Variants in CELF1 observed in about 807,000 individuals in gnomAD.
CELF1 encodes the protein 50 kDa nuclear polyadenylated RNA-binding protein.
In CELF1, 10 loss-of-function variants were observed where a neutral mutation model predicts 61.8. That is an observed-to-expected ratio of 0.16 (90% confidence interval 0.10 to 0.27). The LOEUF is 0.27. Among genes scored for constraint, CELF1 ranks in the 10% least tolerant of loss-of-function variants. The pLI is 1.00. For synonymous variants in CELF1, 236 were observed against 225.1 expected, an observed-to-expected ratio of 1.05 and a Z score of -0.43; for missense variants, 380 against 639.1, an observed-to-expected ratio of 0.59 and a Z score of 4.37.
intron 13 of CELF1, among the ~76,000 whole-genome samples, chr11:47,474,889 T>A (rs1012766347): frequency 1.2e-4 from 19 of 152,186 alleles, no homozygotes; most frequent in African/African-American, 4.6e-4. Context: ...CTCTGTCCCA[T>A]CACCCCTCAG....
At chr11:47,535,763 T>A (rs1452499141) in intron 1 of CELF1, among the ~76,000 whole-genome samples, 2 of 151,688 alleles carry the variant, frequency 1.3e-5, no homozygotes, top group African/African-American at 4.8e-5. Context: ...CAAGTTTTTT[T>A]GTTTTTGTTT....
rs2077021734 is a variant in CELF1 at position 47,468,331 on chromosome 11, G to A, written c.*3899C>T. 6.6e-6 allele frequency: 1 copy of A among 152,220 alleles called. No homozygotes were observed. The highest frequency in any genetic ancestry group is 2.4e-5 in the African/African-American group (1 of 41,438). 9.4% of individuals were successfully genotyped at this position (152,220 alleles called of 1,614,324 possible). On this transcript the variant is annotated 3_prime_UTR_variant, in exon 15 of 15. Coordinates refer to ENST00000687097, the MANE Select transcript of CELF1 (RefSeq NM_001376376.1). ...GAACTCAGAAGAAAAACAAAAGAAA[G>A]AACAATACATGCGGTCTCCTCAAGC...
chr11:47,496,084 C>A (rs1023491810), intron 3 of CELF1: 2 of 711,078 alleles, frequency 2.8e-6, no homozygotes, highest in Non-Finnish European at 3.5e-6. Context: ...ATAAAAAGGG[C>A]CCAGAAACAC....
intron 1 of CELF1, among the ~76,000 whole-genome samples, chr11:47,565,031 T>C (rs1474938713): frequency 1.3e-5 from 2 of 152,072 alleles, no homozygotes; most frequent in Non-Finnish European, 2.9e-5. Flanking sequence ...GGACCCCTGT[T>C]CACCCTGGGA....
chr11:47,517,803 C>A (rs1296325965), intron 1 of CELF1, among the ~76,000 whole-genome samples: 1 of 152,144 alleles, frequency 6.6e-6, no homozygotes, highest in Non-Finnish European at 1.5e-5. Flanking sequence ...CAGGCACCTG[C>A]CACCAAACCC....
rs1309115373 is a variant in CELF1 at position 47,478,628 on chromosome 11, ATTC to A, written c.844+246_844+248del. ...TAGGAGCTAAACAGCCCTTTTCCAT[ATTC>A]TTCTTCAACAGTGACCTAAAAGGTT... On this transcript the variant is annotated intron_variant, in intron 10 of 14. Transcript: ENST00000687097. Among the ~76,000 whole-genome samples the A allele has an allele frequency of 3.9e-5, 6 of 152,286 alleles. No homozygotes were observed. The East Asian group carries it at 1.2e-3, about 29-fold the overall frequency.
At chr11:47,481,304 A>G (rs1288054984) in intron 9 of CELF1, among the ~76,000 whole-genome samples, 2 of 151,358 alleles carry the variant, frequency 1.3e-5, no homozygotes, top group Non-Finnish European at 2.9e-5. Flanking sequence ...ATTTTTTTGT[A>G]TTTTTAGTAT....
chr11:47,563,871 C>T (rs1389610631), intron 2 of CELF1, among the ~76,000 whole-genome samples: 4 of 149,470 alleles, frequency 2.7e-5, no homozygotes, highest in Non-Finnish European at 5.9e-5. Flanking sequence ...AAATACAAAA[C>T]TTAGCTGGGC....
rs1255304798 is a variant in CELF1 at position 47,468,610 on chromosome 11, AT to A, written c.*3619del. 2 of 152,358 alleles carry A rather than the reference AT, an allele frequency of 1.3e-5. No individual in the cohort carries two copies. The allele number at this position is 152,358 out of a possible 1,614,324, so 9.4% of individuals were successfully genotyped here. ...ATCTTATGAAGTTCTAGAAAAATAG[AT>A]TTTTTTTATATTCAAATGCAAGTTT... On this transcript the variant is annotated 3_prime_UTR_variant, in exon 15 of 15. Coordinates refer to ENST00000687097, the MANE Select transcript of CELF1 (RefSeq NM_001376376.1).
chr11:47,501,951 G>A (rs1182444183), intron 1 of CELF1, among the ~76,000 whole-genome samples: 1 of 152,126 alleles, frequency 6.6e-6, no homozygotes, highest in East Asian at 1.9e-4. Context: ...GTTCAAATCA[G>A]AATCACATCT....
chr11:47,513,058 C>A (rs2095324901), intron 1 of CELF1, among the ~76,000 whole-genome samples: 1 of 152,218 alleles, frequency 6.6e-6, no homozygotes. Flanking sequence ...GACTTCCAAT[C>A]CCTAGAGGAT....
chr11:47,557,111 G>C (rs960367843), upstream of CELF1, among the ~76,000 whole-genome samples: 1 of 151,952 alleles, frequency 6.6e-6, no homozygotes, highest in Non-Finnish European at 1.5e-5. Context: ...TGTTGGTCAG[G>C]TTGGCCTTGA....
At chr11:47,541,068 C>A (rs147373567) in intron 1 of CELF1, among the ~76,000 whole-genome samples, 1 of 152,116 alleles carries the variant, frequency 6.6e-6, no homozygotes, top group Admixed American at 6.6e-5. Context: ...TGAGGGAAAG[C>A]GGCTGGAGCT....
At chr11:47,536,205 C>T (rs1439862333) in intron 1 of CELF1, among the ~76,000 whole-genome samples, 1 of 152,028 alleles carries the variant, frequency 6.6e-6, no homozygotes, top group Non-Finnish European at 1.5e-5. Context: ...CTCATCTCTA[C>T]TAAAAATAGA....
chr11:47,538,789 A>C (rs1265021265), intron 1 of CELF1, among the ~76,000 whole-genome samples: 1 of 152,186 alleles, frequency 6.6e-6, no homozygotes, highest in African/African-American at 2.4e-5. Context: ...AAAAAACAAA[A>C]TCACGTTAGA....
intron 1 of CELF1, among the ~76,000 whole-genome samples, chr11:47,523,000 T>C (rs956084767): frequency 2.6e-5 from 4 of 152,110 alleles, no homozygotes; most frequent in African/African-American, 9.7e-5. Flanking sequence ...ACTGGGCCTG[T>C]TAGAGTCCAG....
intron 1 of CELF1, among the ~76,000 whole-genome samples, chr11:47,517,164 T>C (rs2095600538): frequency 2.0e-5 from 3 of 151,354 alleles, no homozygotes; most frequent in African/African-American, 7.3e-5. Context: ...GGAGAATCAC[T>C]TGAGCCCAGG....
intron 1 of CELF1, among the ~76,000 whole-genome samples, chr11:47,525,847 A>C (rs1237218527): frequency 6.6e-6 from 1 of 151,620 alleles, no homozygotes; most frequent in African/African-American, 2.4e-5. Context: ...TGGTAGGCCA[A>C]GGTGGGTGGA....
At chr11:47,546,466 G>A (rs1327459140) in intron 1 of CELF1, among the ~76,000 whole-genome samples, 3 of 151,488 alleles carry the variant, frequency 2.0e-5, no homozygotes, top group African/African-American at 7.3e-5. Flanking sequence ...GGGTTTCTCA[G>A]ATGATCCGCC....
Sources: gnomAD v4.1 joint callset for allele counts (sites outside exome capture counted in the v4.1 genomes callset) on GRCh38, gnomAD v4.1.1 for gene constraint, MANE v1.5 for transcripts, NCBI Gene and HGNC (gene_info 2026-07-23, HGNC 2026-07-21) for gene names.